ADTRP: variants seen among roughly 807,000 people sequenced by gnomAD.
ADTRP encodes androgen dependent TFPI regulating protein.
A neutral mutation model predicts 27.0 loss-of-function variants in ADTRP; 20 were observed. The ratio of observed to expected loss-of-function variants is 0.74; its 90% CI spans 0.52 to 1.08. The LOEUF (loss-of-function observed/expected upper bound fraction) is 1.08, where lower values mean the gene tolerates loss of function less well. ADTRP is among the 50% of genes least tolerant of loss of function. The probability of loss-of-function intolerance (pLI) is 0.00; values close to 1 mark genes in which losing one functional copy is unlikely to be tolerated. For synonymous variants in ADTRP, 101 were observed against 105.2 expected, an observed-to-expected ratio of 0.96 and a Z score of 0.25; for missense variants, 251 against 275.0, an observed-to-expected ratio of 0.91 and a Z score of 0.62.
chr6:11,774,864 A>G (rs1328739922), intron 1 of ADTRP, among the ~76,000 whole-genome samples: 1 of 152,186 alleles, frequency 6.6e-6, no homozygotes, highest in Non-Finnish European at 1.5e-5. Flanking sequence ...GTGGACAGAG[A>G]GCAAGGGACA....
intron 2 of ADTRP, among the ~76,000 whole-genome samples, chr6:11,766,709 T>C (rs922519248): frequency 6.6e-6 from 1 of 152,222 alleles, no homozygotes; most frequent in Non-Finnish European, 1.5e-5. Context: ...CTTCTTTTTC[T>C]AAACTTTCAC....
At chr6:11,714,941 T>G (rs1353955318) in intron 5 of ADTRP, among the ~76,000 whole-genome samples, 1 of 152,210 alleles carries the variant, frequency 6.6e-6, no homozygotes, top group African/African-American at 2.4e-5. Context: ...TTCTGTGACC[T>G]CTTAGCAAAT....
Position 11,752,321 on chromosome 6 carries a change from A to T in ADTRP, c.390+13953T>A, listed in dbSNP as rs115799688. Reference sequence around the variant, plus strand: ...GGTTTCGCTATATGGCCAGAAACGAAATCACTCAGGACTTTTTTCCTTTGA... The same window carrying T: ...GGTTTCGCTATATGGCCAGAAACGATATCACTCAGGACTTTTTTCCTTTGA... On this transcript the variant is annotated intron_variant, in intron 3 of 5. Transcript: ENST00000414691. Among the ~76,000 whole-genome samples, 1,126 of 152,248 alleles carry T rather than the reference A, an allele frequency of 7.4e-3. 16 individuals are homozygous for T. The highest frequency in any genetic ancestry group is 0.026 in the African/African-American group (1,063 of 41,536).
intron 5 of ADTRP, among the ~76,000 whole-genome samples, chr6:11,715,280 A>C (rs980295449): frequency 6.6e-6 from 1 of 152,046 alleles, no homozygotes; most frequent in African/African-American, 2.4e-5. Context: ...TCCATGATTC[A>C]CCCTTCAAAC....
intron 3 of ADTRP, among the ~76,000 whole-genome samples, chr6:11,747,079 A>T (rs1762887785): frequency 6.6e-6 from 1 of 152,222 alleles, no homozygotes; most frequent in Non-Finnish European, 1.5e-5. Flanking sequence ...AGAACCCACC[A>T]CACTCCTGAG....
At chr6:11,735,719 G>C (rs1419467047) in intron 3 of ADTRP, 36 bp from the exon 4 acceptor site, 2 of 1,431,110 alleles carry the variant, frequency 1.4e-6, no homozygotes, top group South Asian at 1.2e-5. Context: ...GAATGGCAGG[G>C]TGTCCAGGGT....
rs571849972 is a variant in ADTRP, at chr6:11,759,861, A to C, written c.390+6413T>G. Among the ~76,000 whole-genome samples the C allele has an allele frequency of 2.6e-5, 4 of 152,294 alleles. No homozygotes were observed. In the East Asian group the frequency reaches 7.7e-4, roughly 29 times the overall value. ...GGGAGGTGGGAATGGCAGAGGCAGA[A>C]CAAAAGGTGATGTGAAGATGGTGGA... On this transcript the variant is annotated intron_variant, in intron 3 of 5. Transcript: ENST00000414691.
rs958821343 is a variant in ADTRP, at chr6:11,770,339, T to C, written c.154-1956A>G. ...CAGCTGAGGCTGAGAACCACCTGCC[T>C]GGAGGAACTTCCGTTTGGAAATTCA... On this transcript the variant is annotated intron_variant, in intron 1 of 5. Coordinates refer to ENST00000414691, the MANE Select transcript of ADTRP (RefSeq NM_032744.4). 2.0e-5 allele frequency among the ~76,000 whole-genome samples: 3 copies of C among 152,224 alleles called. No homozygotes were observed. In the East Asian group the frequency reaches 5.8e-4, roughly 29 times the overall value.
chr6:11,763,156 G>A (rs1363022953), intron 3 of ADTRP, among the ~76,000 whole-genome samples: 1 of 152,218 alleles, frequency 6.6e-6, no homozygotes, highest in African/African-American at 2.4e-5. Flanking sequence ...ACAAAGGCAG[G>A]AAAATGTCTG....
At chr6:11,776,446 G>A (rs1476874310) in intron 1 of ADTRP, among the ~76,000 whole-genome samples, 3 of 152,352 alleles carry the variant, frequency 2.0e-5, no homozygotes, top group East Asian at 3.9e-4. Flanking sequence ...CTGTTTTGGA[G>A]CCAAAGTTTG....
chr6:11,717,929 G>A (rs998155178), intron 5 of ADTRP, among the ~76,000 whole-genome samples: 2 of 152,240 alleles, frequency 1.3e-5, no homozygotes, highest in South Asian at 2.1e-4. Flanking sequence ...TGGAGTCATC[G>A]CATGATAAAA....
chr6:11,770,968 T>C (rs1763754270), intron 1 of ADTRP, among the ~76,000 whole-genome samples: 1 of 152,198 alleles, frequency 6.6e-6, no homozygotes, highest in Non-Finnish European at 1.5e-5. Flanking sequence ...CTTCCCTCTC[T>C]GGGGAGAGGC....
At chr6:11,755,780 C>T (rs2235398) in intron 3 of ADTRP, among the ~76,000 whole-genome samples, 48,260 of 152,052 alleles carry the variant, frequency 0.32, 9,202 homozygotes, top group East Asian at 0.65. Context: ...CACCCATCAA[C>T]AACACTGTAA....
intron 5 of ADTRP, among the ~76,000 whole-genome samples, chr6:11,722,427 G>A (rs1006077326): frequency 2.6e-5 from 4 of 152,070 alleles, no homozygotes; most frequent in Admixed American, 6.6e-5. Context: ...TAGATTGGGC[G>A]GAAGATGGCA....
intron 3 of ADTRP, among the ~76,000 whole-genome samples, chr6:11,745,999 C>G (rs1411050913): frequency 6.6e-6 from 1 of 152,136 alleles, no homozygotes; most frequent in African/African-American, 2.4e-5. Context: ...CCATGTTGGC[C>G]AGGCTGGTCT....
intron 3 of ADTRP, among the ~76,000 whole-genome samples, chr6:11,760,041 T>C (rs982544614): frequency 6.6e-6 from 1 of 152,208 alleles, no homozygotes; most frequent in Non-Finnish European, 1.5e-5. Context: ...TTTCCTCCCA[T>C]ACAATCCATT....
At chr6:11,744,944 G>A (rs1042882873) in intron 3 of ADTRP, among the ~76,000 whole-genome samples, 3 of 152,166 alleles carry the variant, frequency 2.0e-5, no homozygotes, top group African/African-American at 7.2e-5. Context: ...TAGTGGTTCT[G>A]GAAAGCACCC....
chr6:11,727,806 A>G (rs1337150072), intron 4 of ADTRP, among the ~76,000 whole-genome samples: 1 of 152,124 alleles, frequency 6.6e-6, no homozygotes, highest in Non-Finnish European at 1.5e-5. Context: ...TACCAAGGGT[A>G]CTCAGCAGAG....
chr6:11,722,026 T>C (rs1425785992), intron 5 of ADTRP, among the ~76,000 whole-genome samples: 1 of 152,102 alleles, frequency 6.6e-6, no homozygotes, highest in African/African-American at 2.4e-5. Context: ...TCTTTAAATA[T>C]ATATAGAGAG....
Sources: allele counts gnomAD v4.1 joint callset (sites outside exome capture counted in the v4.1 genomes callset), GRCh38; gene constraint gnomAD v4.1.1; transcripts MANE v1.5; gene names NCBI Gene and HGNC (gene_info 2026-07-23, HGNC 2026-07-21).